Variants in ITSN2 observed in about 807,000 individuals in gnomAD.
ITSN2 encodes intersectin 2.
A neutral mutation model predicts 243.7 loss-of-function variants in ITSN2; 156 were observed. The observed-to-expected ratio is 0.64, with a 90% CI of 0.56 to 0.73. ITSN2 has a LOEUF of 0.73. ITSN2 is among the 30% of genes least tolerant of loss of function. ITSN2 has a pLI of 0.00. For missense variants in ITSN2, 1,801 were observed against 1,996.1 expected (o/e 0.90, Z 1.86); for synonymous variants, 703 against 699.9 (o/e 1.00, Z -0.07).
intron 2 of ITSN2, among the ~76,000 whole-genome samples, chr2:24,315,799 T>C (rs1683842344): frequency 6.6e-6 from 1 of 152,364 alleles, no homozygotes; most frequent in East Asian, 1.9e-4. Context: ...CACGTTAAGA[T>C]GTGCTTTGCA....
At chr2:24,297,912 G>C (rs1248481090) in intron 13 of ITSN2, among the ~76,000 whole-genome samples, 7 of 151,830 alleles carry the variant, frequency 4.6e-5, no homozygotes, top group African/African-American at 1.7e-4. Flanking sequence ...TGTACAGTCT[G>C]TTTATATGAA....
At chr2:24,348,554 A>G (rs908192306) in intron 1 of ITSN2, among the ~76,000 whole-genome samples, 6 of 152,202 alleles carry the variant, frequency 3.9e-5, no homozygotes, top group African/African-American at 1.2e-4. Context: ...TACTAAAAGC[A>G]TTTAACTGAA....
chr2:24,291,724 G>A (rs1283134442), intron 15 of ITSN2, among the ~76,000 whole-genome samples: 3 of 152,076 alleles, frequency 2.0e-5, no homozygotes, highest in African/African-American at 4.8e-5. Flanking sequence ...TCTTGACCTC[G>A]TGATCCGCCT....
rs996577224 is a variant in ITSN2, at chr2:24,207,239, G to T, written c.4678+998C>A. On this transcript the variant is annotated intron_variant, in intron 37 of 39. Transcript: ENST00000355123. The stretch of plus-strand genomic sequence containing the variant: ...GCCTTGTGCTGCAGCCTGGGTGGGA[G>T]ATCGGGGGCCTGTGATACGGGGACA... Among the ~76,000 whole-genome samples the T allele has an allele frequency of 3.3e-5, 5 of 152,196 alleles. No individual in the cohort carries two copies. In the East Asian group the frequency reaches 5.8e-4, roughly 18 times the overall value.
At chr2:24,234,232 T>C (rs757629719) in intron 29 of ITSN2, among the ~76,000 whole-genome samples, 32 of 150,416 alleles carry the variant, frequency 2.1e-4, no homozygotes, top group Non-Finnish European at 3.7e-4. Flanking sequence ...GGGGCAAAGA[T>C]ACTCTTTTCA....
At chr2:24,278,260 G>A (rs1384909022) in intron 17 of ITSN2, among the ~76,000 whole-genome samples, 1 of 152,152 alleles carries the variant, frequency 6.6e-6, no homozygotes, top group Non-Finnish European at 1.5e-5. Flanking sequence ...GCTTCCTTGT[G>A]CCATTCTGTA....
intron 18 of ITSN2, 139 bp from the exon 19 acceptor site, chr2:24,272,080 G>A: frequency 1.6e-6 from 1 of 632,022 alleles, no homozygotes; most frequent in Non-Finnish European, 2.5e-6. Context: ...AAACTGCTGA[G>A]ATCAGAGGTG....
At chr2:24,206,227 A>G in intron 37 of ITSN2, 1 of 403,320 alleles carries the variant, frequency 2.5e-6, no homozygotes, top group South Asian at 1.9e-5. Context: ...AATTAGCAAA[A>G]GCTGTTTTAA....
chr2:24,298,778 C>G lies in ITSN2; in HGVS notation c.1381G>C (p.Glu461Gln). The change falls in exon 13 of 40, where the codon GAA (glutamate) becomes CAA (glutamine). Residue 461 changes from glutamate to glutamine, a missense_variant. Glu to Gln is a conservative substitution (Grantham distance 29). Transcript: ENST00000355123. ...KQELERQRRL[E>Q]WERIRRQELL... ...TCCTGTCGCCGAATTCTCTCCCATT[C>G]TAAGCGACGTTGTCGTTCAAGTTCC... 1 of 1,610,208 alleles carries G rather than the reference C, an allele frequency of 6.2e-7. No homozygotes were observed. The highest frequency in any genetic ancestry group is 8.5e-7 in the Non-Finnish European group (1 of 1,178,872).
chr2:24,271,236 C>T (rs1260482262), intron 19 of ITSN2, among the ~76,000 whole-genome samples: 1 of 152,042 alleles, frequency 6.6e-6, no homozygotes, highest in Non-Finnish European at 1.5e-5. Context: ...AAAAGGAAAA[C>T]AGTGGAAGAG....
chr2:24,216,886 C>T (rs1262870315), intron 31 of ITSN2, among the ~76,000 whole-genome samples: 1 of 152,140 alleles, frequency 6.6e-6, no homozygotes, highest in Non-Finnish European at 1.5e-5. Context: ...GAGATTGAGA[C>T]CATCCTGGCT....
chr2:24,339,219 T>C (rs776631535), intron 1 of ITSN2, among the ~76,000 whole-genome samples: 78 of 152,074 alleles, frequency 5.1e-4, no homozygotes, highest in Non-Finnish European at 1.0e-3. Context: ...CCAGGTGTGG[T>C]AGCTCACACC....
intron 17 of ITSN2, among the ~76,000 whole-genome samples, chr2:24,281,929 AT>A: frequency 6.6e-6 from 1 of 152,310 alleles, no homozygotes; most frequent in Middle Eastern, 3.4e-3. Flanking sequence ...ACCCAGGAAG[AT>A]TCTTTCTGAT....
At chr2:24,236,427 G>T (rs1232162881) in intron 29 of ITSN2, among the ~76,000 whole-genome samples, 1 of 152,130 alleles carries the variant, frequency 6.6e-6, no homozygotes, top group East Asian at 1.9e-4. Flanking sequence ...AAGTGACTGT[G>T]GAAATGGTTG....
chr2:24,271,752 A>C lies in ITSN2; in HGVS notation c.2257+14T>G, dbSNP rs529134061. 6.4e-7 allele frequency: 1 copy of C among 1,568,196 alleles called. No homozygotes were observed. The highest frequency in any genetic ancestry group is 1.2e-5 in the South Asian group (1 of 80,616). ...TGCATTTGTTCTACTGTCTCAAAGTATCCTTATCCTTACGTTTTTTCTCCT... is the reference window on the plus strand; with the variant it reads ...TGCATTTGTTCTACTGTCTCAAAGTCTCCTTATCCTTACGTTTTTTCTCCT... On this transcript the variant is annotated intron_variant, in intron 19 of 39. Transcript: ENST00000355123.
intron 1 of ITSN2, among the ~76,000 whole-genome samples, chr2:24,355,808 T>C (rs1688394342): frequency 1.3e-5 from 2 of 152,204 alleles, no homozygotes; most frequent in Admixed American, 6.5e-5. Context: ...CTCATGCCTA[T>C]AATCCCAGCA....
intron 13 of ITSN2, 80 bp downstream of exon 13, chr2:24,298,585 C>T: frequency 1.5e-6 from 2 of 1,353,310 alleles, no homozygotes; most frequent in Non-Finnish European, 2.0e-6. Context: ...TGTGAGCCAC[C>T]ACGCCTGGCC....
At chr2:24,347,608 C>T (rs188811670) in intron 1 of ITSN2, among the ~76,000 whole-genome samples, 415 of 152,248 alleles carry the variant, frequency 2.7e-3, no homozygotes, top group African/African-American at 7.9e-3. Context: ...ATCGCTTGAA[C>T]CCAGAAGGCG....
intron 11 of ITSN2, 31 bp from the exon 12 acceptor site, chr2:24,300,202 C>T (rs1393055170): frequency 1.2e-6 from 2 of 1,610,294 alleles, no homozygotes; most frequent in Non-Finnish European, 1.7e-6. Flanking sequence ...AGCATCCACA[C>T]ACATTAACAG....
Sources: gnomAD v4.1 joint callset for allele counts (sites outside exome capture counted in the v4.1 genomes callset) on GRCh38, gnomAD v4.1.1 for gene constraint, MANE v1.5 for transcripts, NCBI Gene and HGNC (gene_info 2026-07-23, HGNC 2026-07-21) for gene names.